Variants in TENM3 observed in about 807,000 individuals in gnomAD.
TENM3 encodes the protein teneurin transmembrane protein 3, also known as teneurin-3.
In TENM3, 63 loss-of-function variants were observed where a neutral mutation model predicts 255.1. That is an observed-to-expected ratio of 0.25 (90% CI 0.20 to 0.30). The LOEUF (loss-of-function observed/expected upper bound fraction) is 0.30, where lower values mean the gene tolerates loss of function less well. Among genes scored for constraint, TENM3 ranks in the 10% least tolerant of loss-of-function variants. The pLI, the probability that TENM3 is intolerant of heterozygous loss-of-function variation, is 1.00. For synonymous variants in TENM3, 1,306 were observed against 1,322.3 expected, an observed-to-expected ratio of 0.99 and a Z score of 0.27; for missense variants, 2,929 against 3,461.1, an observed-to-expected ratio of 0.85 and a Z score of 3.86.
intron 21 of TENM3, among the ~76,000 whole-genome samples, chr4:182,753,957 A>G (rs1034819397): frequency 6.6e-6 from 1 of 152,188 alleles, no homozygotes; most frequent in East Asian, 1.9e-4. Context: ...AGAACCCACT[A>G]TGATTAGTGC....
chr4:181,842,777 A>C, the TENM3 span, among the ~76,000 whole-genome samples: 1 of 152,188 alleles, frequency 6.6e-6, no homozygotes, highest in African/African-American at 2.4e-5. Context: ...GTGTGTATTG[A>C]TATTATTGAT....
intron 12 of TENM3, among the ~76,000 whole-genome samples, chr4:182,697,417 A>G (rs1462093024): frequency 2.6e-5 from 4 of 152,138 alleles, no homozygotes; most frequent in Non-Finnish European, 5.9e-5. Context: ...TGGCGCTGAA[A>G]ATCTAGGGGA....
At chr4:181,727,673 C>T in the TENM3 span, among the ~76,000 whole-genome samples, 1 of 152,154 alleles carries the variant, frequency 6.6e-6, no homozygotes, top group South Asian at 2.1e-4. Flanking sequence ...TACTACAATA[C>T]TTTCAAATAT....
intron 3 of TENM3, among the ~76,000 whole-genome samples, chr4:182,499,076 G>C (rs1736077032): frequency 1.3e-5 from 2 of 152,112 alleles, no homozygotes; most frequent in African/African-American, 4.8e-5. Context: ...AAGGCATAGA[G>C]TTTTTACTTT....
At chr4:182,525,697 T>C (rs1344635178) in intron 3 of TENM3, among the ~76,000 whole-genome samples, 1 of 152,222 alleles carries the variant, frequency 6.6e-6, no homozygotes, top group African/African-American at 2.4e-5. Flanking sequence ...ATTGTCCCCA[T>C]GTGTATTGAT....
intron 1 of TENM3, among the ~76,000 whole-genome samples, chr4:182,264,043 G>A (rs1213145185): frequency 1.3e-5 from 2 of 152,216 alleles, no homozygotes; most frequent in Admixed American, 1.3e-4. Context: ...CTGGCTTGCC[G>A]GCAAAGGGTA....
At chr4:182,411,039 A>G (rs931440861) in intron 3 of TENM3, among the ~76,000 whole-genome samples, 2 of 152,116 alleles carry the variant, frequency 1.3e-5, no homozygotes, top group African/African-American at 4.8e-5. Flanking sequence ...GGTGTAAAGG[A>G]GGAAATTAAA....
chr4:182,640,963 C>T (rs978662457), intron 5 of TENM3, among the ~76,000 whole-genome samples: 5 of 152,194 alleles, frequency 3.3e-5, no homozygotes, highest in African/African-American at 9.7e-5. Flanking sequence ...TAACCCTTAC[C>T]TACAAGGTGC....
the TENM3 span, among the ~76,000 whole-genome samples, chr4:181,998,452 A>G: frequency 6.6e-6 from 1 of 152,212 alleles, no homozygotes; most frequent in Non-Finnish European, 1.5e-5. Context: ...AGAGAAAGAC[A>G]TTGTTTCCCC....
intron 1 of TENM3, among the ~76,000 whole-genome samples, chr4:182,302,535 C>T (rs932357922): frequency 1.3e-5 from 2 of 151,628 alleles, no homozygotes; most frequent in Non-Finnish European, 2.9e-5. Flanking sequence ...TTCCCTCTAA[C>T]AAAACTAAAT....
intron 4 of TENM3, among the ~76,000 whole-genome samples, chr4:182,627,861 A>G (rs916227701): frequency 1.5e-4 from 22 of 151,584 alleles, no homozygotes; most frequent in Non-Finnish European, 3.2e-4. Flanking sequence ...ACAGCATACA[A>G]CTTTTAGAGA....
At chr4:182,433,961 T>TA (rs1222018136) in intron 3 of TENM3, among the ~76,000 whole-genome samples, 1 of 151,992 alleles carries the variant, frequency 6.6e-6, no homozygotes, top group African/African-American at 2.4e-5. Flanking sequence ...CAAAACATTT[T>TA]AAAAATTAGG....
At chr4:182,428,175 G>A (rs1241155258) in intron 3 of TENM3, among the ~76,000 whole-genome samples, 1 of 152,130 alleles carries the variant, frequency 6.6e-6, no homozygotes, top group Non-Finnish European at 1.5e-5. Flanking sequence ...ACTGCATTAG[G>A]TGCTTTTGGA....
chr4:182,779,503 G>C (rs918190015), intron 24 of TENM3, among the ~76,000 whole-genome samples: 1 of 152,134 alleles, frequency 6.6e-6, no homozygotes, highest in African/African-American at 2.4e-5. Context: ...ATTGTGAATA[G>C]TGCTGCAATA....
chr4:182,014,018 G>A, the TENM3 span, among the ~76,000 whole-genome samples: 1 of 44,030 alleles, frequency 2.3e-5, no homozygotes, highest in African/African-American at 1.1e-4. Context: ...ATATATACGT[G>A]TATATACGTA....
intron 1 of TENM3, among the ~76,000 whole-genome samples, chr4:182,292,879 G>C (rs1043077434): frequency 3.3e-5 from 5 of 152,212 alleles, no homozygotes; most frequent in African/African-American, 1.2e-4. Flanking sequence ...ACAGCTGACA[G>C]CTGAAGGATG....
chr4:181,540,751 C>T, the TENM3 span, among the ~76,000 whole-genome samples: 9 of 152,240 alleles, frequency 5.9e-5, no homozygotes, highest in Admixed American at 4.6e-4. Flanking sequence ...AAAACAAAGA[C>T]TCAAACTGTC....
intron 3 of TENM3, among the ~76,000 whole-genome samples, chr4:182,444,301 T>C (rs1452988459): frequency 3.3e-5 from 5 of 152,202 alleles, no homozygotes; most frequent in Non-Finnish European, 7.4e-5. Flanking sequence ...AAAATAACAG[T>C]TGGCAAAACA....
chr4:181,888,494 G>GTATATATATGTA, the TENM3 span, among the ~76,000 whole-genome samples: 641 of 28,156 alleles, frequency 0.023, 32 homozygotes, highest in Admixed American at 0.033. Flanking sequence ...ATAGAAATGT[G>GTATATATATGTA]TATATATATA....
Sources: allele counts gnomAD v4.1 joint callset (sites outside exome capture counted in the v4.1 genomes callset), GRCh38; gene constraint gnomAD v4.1.1; transcripts MANE v1.5; gene names NCBI Gene and HGNC (gene_info 2026-07-23, HGNC 2026-07-21).